Variants in CPO observed in about 807,000 individuals in gnomAD.
The protein encoded by CPO is carboxypeptidase O.
Under a neutral mutation model 41.2 loss-of-function variants are expected in CPO, and 43 were observed. The observed-to-expected ratio is 1.04, with a 90% CI of 0.82 to 1.35. The LOEUF (loss-of-function observed/expected upper bound fraction) is 1.35. Among genes scored for constraint, CPO ranks in the 40% most tolerant of loss-of-function variants. The probability of loss-of-function intolerance (pLI) is 0.00; values close to 1 mark genes in which losing one functional copy is unlikely to be tolerated. For synonymous variants in CPO, 178 were observed against 162.7 expected, an observed-to-expected ratio of 1.09 and a Z score of -0.72; for missense variants, 408 against 451.7, an observed-to-expected ratio of 0.90 and a Z score of 0.88.
chr2:206,939,661 A>G lies in CPO; in HGVS notation c.62A>G (p.Tyr21Cys), dbSNP rs1184910356. ...LGMLVPGGLGYDRSLAQHRQE... is the reference protein window; with the variant it reads ...LGMLVPGGLGCDRSLAQHRQE... ...ATGCTGGTTCCTGGAGGGCTGGGAT[A>G]TGATAGGTGAGTGTAAAGTGGGAAG... The change falls in exon 1 of 9, where the codon TAT (tyrosine) becomes TGT (cysteine). Residue 21 changes from tyrosine to cysteine, a missense_variant. By Grantham distance (194) the Tyr-to-Cys change is radical. Coordinates refer to ENST00000272852, the MANE Select transcript of CPO (RefSeq NM_173077.3). 6.2e-7 allele frequency: 1 copy of G among 1,610,124 alleles called. No homozygotes were observed. Among genetic ancestry groups the G allele is most frequent in the South Asian group, 1.1e-5 (1 of 90,958 alleles).
At chr2:206,949,736 A>G (rs754054820) in intron 2 of CPO, 23 bp downstream of exon 2, 4 of 1,524,914 alleles carry the variant, frequency 2.6e-6, no homozygotes, top group Non-Finnish European at 3.6e-6. Context: ...ACATGGCAGG[A>G]GGTTGGTGGT....
intron 2 of CPO, among the ~76,000 whole-genome samples, 174 bp from the exon 3 acceptor site, chr2:206,955,289 G>A (rs1693336642): frequency 6.6e-6 from 1 of 152,176 alleles, no homozygotes; most frequent in South Asian, 2.1e-4. Context: ...AGAATAAATT[G>A]TTAAAGAAAG....
At chr2:206,955,634 G>A (rs1228051163) in intron 3 of CPO, 70 bp downstream of exon 3, 1 of 901,608 alleles carries the variant, frequency 1.1e-6, no homozygotes, top group African/African-American at 1.6e-5. Context: ...ACTATTCAGG[G>A]ACTCTAATCA....
intron 4 of CPO, among the ~76,000 whole-genome samples, chr2:206,958,984 A>AT (rs1693428061): frequency 6.6e-6 from 1 of 151,338 alleles, no homozygotes; most frequent in East Asian, 2.0e-4. Context: ...CAGGTGATCC[A>AT]CCTACCTCGG....
Position 206,968,294 on chromosome 2 carries a change from T to C in CPO, c.809T>C (p.Leu270Ser), listed in dbSNP as rs773892843. The C allele has an allele frequency of 1.6e-5, 25 of 1,612,558 alleles. No homozygotes were observed. Among genetic ancestry groups the C allele is most frequent in the Middle Eastern group, 3.3e-4 (2 of 6,062 alleles). ...GTTGGACAGAAGGCAGCAAATGCAT[T>C]GAAAGCAAAGTATGGAACCAATTAT... is the stretch of plus-strand genomic sequence containing the variant. ...IQVGQKAANALKAKYGTNYRV... is the reference protein window; with the variant it reads ...IQVGQKAANASKAKYGTNYRV... Residue 270 changes from leucine (L) to serine (S), a missense_variant, in exon 8 of 9, where the codon TTG (leucine) becomes TCG (serine). By Grantham distance (145) the Leu-to-Ser change is moderately radical. Transcript: ENST00000272852.
chr2:206,962,440 T>C lies in CPO; in HGVS notation c.603T>C (p.Asp201=). ...CSIGASRNCQ[D]QTFCGTGPVS... ...TTGGTGCCTCTAGAAACTGCCAAGATCAAACATTCTGTGGGACAGGGCCAG... is the reference window on the plus strand; with the variant it reads ...TTGGTGCCTCTAGAAACTGCCAAGACCAAACATTCTGTGGGACAGGGCCAG... The change falls in exon 7 of 9, where the codon GAT becomes GAC. Residue 201 remains aspartate (D), a synonymous_variant. Transcript: ENST00000272852. 6.2e-7 allele frequency: 1 copy of C among 1,614,114 alleles called. No individual in the cohort carries two copies. The highest frequency in any genetic ancestry group is 8.5e-7 in the Non-Finnish European group (1 of 1,179,988).
Position 206,969,246 on chromosome 2 carries a change from G to A in CPO, c.935G>A (p.Arg312Lys). The stretch of plus-strand genomic sequence containing the variant: ...CCCTTCTCATATACGTTTGAGCTGA[G>A]GGACAGTGGAACATATGGGTTTGTT... Reference protein sequence around the residue: ...GIPFSYTFELRDSGTYGFVLP... With the variant: ...GIPFSYTFELKDSGTYGFVLP... The change falls in exon 9 of 9, where the codon AGG becomes AAG. Residue 312 changes from arginine (R) to lysine (K), a missense_variant. Coordinates refer to ENST00000272852, the MANE Select transcript of CPO (RefSeq NM_173077.3). 3 of 1,614,142 alleles carry A rather than the reference G, an allele frequency of 1.9e-6. No homozygotes were observed. Among genetic ancestry groups the A allele is most frequent in the Non-Finnish European group, 2.5e-6 (3 of 1,179,996 alleles).
intron 2 of CPO, among the ~76,000 whole-genome samples, chr2:206,955,251 G>A (rs893801401): frequency 6.6e-6 from 1 of 152,224 alleles, no homozygotes; most frequent in African/African-American, 2.4e-5. Flanking sequence ...TTGGTAAAGT[G>A]CAGTGGTAGA....
At chr2:206,941,535 G>A (rs181536420) in intron 1 of CPO, among the ~76,000 whole-genome samples, 2 of 152,142 alleles carry the variant, frequency 1.3e-5, no homozygotes, top group Admixed American at 1.3e-4. Context: ...TAGATTCCAA[G>A]CCCAGGTTAA....
chr2:206,956,898 G>A (rs1347893717), intron 3 of CPO, among the ~76,000 whole-genome samples: 4 of 152,154 alleles, frequency 2.6e-5, no homozygotes, highest in Non-Finnish European at 5.9e-5. Flanking sequence ...TTAAGCATGG[G>A]CCACCTGCCT....
At chr2:206,967,067 G>A (rs10932174) in intron 7 of CPO, among the ~76,000 whole-genome samples, 98,649 of 151,776 alleles carry the variant, frequency 0.65, 32,453 homozygotes, top group Middle Eastern at 0.76. Flanking sequence ...TGAGGGGTAA[G>A]GCTTTGGCAG....
Position 206,969,378 on chromosome 2 carries a change from G to C in CPO, c.1067G>C (p.Arg356Thr). 11 of 1,614,082 alleles carry C rather than the reference G, an allele frequency of 6.8e-6. No homozygotes were observed. Among genetic ancestry groups the C allele is most frequent in the Non-Finnish European group, 8.5e-6 (10 of 1,179,996 alleles). ...AKHWHSDSAG[R>T]VTSATMLLGL... Reference sequence around the variant, plus strand: ...CACTGGCACTCGGACAGTGCTGGAAGGGTGACATCTGCCACTATGCTGCTG... The same window carrying C: ...CACTGGCACTCGGACAGTGCTGGAACGGTGACATCTGCCACTATGCTGCTG... The change falls in exon 9 of 9, where the codon AGG becomes ACG. Residue 356 changes from arginine to threonine, a missense_variant. Coordinates refer to ENST00000272852, the MANE Select transcript of CPO (RefSeq NM_173077.3).
intron 7 of CPO, among the ~76,000 whole-genome samples, chr2:206,963,862 G>A (rs951896182): frequency 2.0e-5 from 3 of 152,124 alleles, no homozygotes; most frequent in African/African-American, 7.2e-5. Flanking sequence ...TATCCAAAAT[G>A]TAATTGCTGG....
chr2:206,961,058 G>C, intron 6 of CPO, 116 bp downstream of exon 6: 1 of 744,312 alleles, frequency 1.3e-6, no homozygotes, highest in Non-Finnish European at 2.3e-6. Flanking sequence ...ACAGCTTTCT[G>C]GGCTTCCTAA....
intron 1 of CPO, among the ~76,000 whole-genome samples, chr2:206,946,920 A>G (rs897102418): frequency 6.6e-6 from 1 of 152,178 alleles, no homozygotes; most frequent in African/African-American, 2.4e-5. Context: ...CAAGATCTAT[A>G]TGAGGAAAAC....
chr2:206,955,799 G>A (rs954435915), intron 3 of CPO, among the ~76,000 whole-genome samples: 8 of 152,148 alleles, frequency 5.3e-5, no homozygotes, highest in Admixed American at 1.3e-4. Context: ...GTGGGACCAT[G>A]GGGGTAGGGC....
chr2:206,964,603 T>G (rs556371542), intron 7 of CPO, among the ~76,000 whole-genome samples: 10 of 152,324 alleles, frequency 6.6e-5, no homozygotes, highest in African/African-American at 2.4e-4. Context: ...GGAGTCATTA[T>G]CAGCTAGATT....
Position 206,958,375 on chromosome 2 carries a change from T to C in CPO, c.342T>C (p.Ala114=). 6.2e-7 allele frequency: 1 copy of C among 1,601,496 alleles called. No individual in the cohort carries two copies. The highest frequency in any genetic ancestry group is 8.5e-7 in the Non-Finnish European group (1 of 1,173,336). Reference sequence around the variant, plus strand: ...GAATTCACGCCAGAGAATGGATTGCTCCTGCTTTTTGCCAATGGTTCGTCA... The same window carrying C: ...GAATTCACGCCAGAGAATGGATTGCCCCTGCTTTTTGCCAATGGTTCGTCA... ...DCGIHAREWI[A]PAFCQWFVKE... Residue 114 remains alanine (A), a synonymous_variant, in exon 4 of 9, where the codon GCT becomes GCC. Coordinates refer to ENST00000272852, the MANE Select transcript of CPO (RefSeq NM_173077.3).
intron 6 of CPO, among the ~76,000 whole-genome samples, chr2:206,961,261 T>C (rs1205020920): frequency 6.6e-6 from 1 of 152,182 alleles, no homozygotes; most frequent in Non-Finnish European, 1.5e-5. Context: ...CAGAGACTTA[T>C]CCTTGCAGAT....
Sources: allele counts gnomAD v4.1 joint callset (sites outside exome capture counted in the v4.1 genomes callset), GRCh38; gene constraint gnomAD v4.1.1; transcripts MANE v1.5; gene names NCBI Gene and HGNC (gene_info 2026-07-23, HGNC 2026-07-21).